WWTR1: variants seen among roughly 807,000 people sequenced by gnomAD.
WWTR1 encodes WW domain-containing transcription regulator protein 1.
Under a neutral mutation model 40.1 loss-of-function variants are expected in WWTR1, and 13 were observed. The ratio of observed to expected loss-of-function variants is 0.32; its 90% CI spans 0.21 to 0.52. The LOEUF is 0.52. WWTR1 is among the 20% of genes least tolerant of loss of function. The pLI is 0.97. For missense variants in WWTR1, 436 were observed against 523.1 expected (o/e 0.83, Z 1.63); for synonymous variants, 230 against 210.1 (o/e 1.09, Z -0.82).
intron 1 of WWTR1, among the ~76,000 whole-genome samples, chr3:149,691,965 G>A (rs759776016): frequency 5.3e-5 from 8 of 151,882 alleles, no homozygotes; most frequent in Admixed American, 1.3e-4. Flanking sequence ...GCAGTGAGCC[G>A]AGATCACGCC....
chr3:149,559,490 C>T (rs1736997092), intron 3 of WWTR1, among the ~76,000 whole-genome samples: 1 of 151,896 alleles, frequency 6.6e-6, no homozygotes, highest in Admixed American at 6.6e-5. Flanking sequence ...TATAAGCAAA[C>T]AATTAACAAA....
At chr3:149,566,332 C>T (rs73155006) in intron 3 of WWTR1, among the ~76,000 whole-genome samples, 14,494 of 152,118 alleles carry the variant, frequency 0.095, 1,418 homozygotes, top group East Asian at 0.49. Context: ...AATCCTACAA[C>T]ACCTACAACA....
exon 2 of WWTR1, chr3:149,669,825 T>G (rs909187211): frequency 6.6e-6 from 1 of 152,186 alleles, no homozygotes; most frequent in Non-Finnish European, 1.5e-5. Context: ...ATGGGTCAGT[T>G]CAGATCCACC....
chr3:149,559,213 G>A (rs1736977171), intron 3 of WWTR1, among the ~76,000 whole-genome samples: 1 of 140,916 alleles, frequency 7.1e-6, no homozygotes, highest in African/African-American at 2.7e-5. Context: ...GGAATTGCTT[G>A]AACCCAGGAG....
At position 149,610,806 on chromosome 3, in the gene WWTR1, G is replaced by A. The variant is rs7611908; in HGVS notation, c.432-37806C>T. Among the ~76,000 whole-genome samples the A allele has an allele frequency of 4.2e-3, 645 of 152,150 alleles. 4 individuals are homozygous for A. Among genetic ancestry groups the A allele is most frequent in the African/African-American group, 0.015 (620 of 41,502 alleles). On this transcript the variant is annotated intron_variant, in intron 2 of 6. Transcript: ENST00000360632. ...CACTCTCCTATTTATACAACATCCG[G>A]GGGACTCAAAAGAAGAAAACAGCCT...
chr3:149,585,656 C>T (rs925020021), intron 2 of WWTR1, among the ~76,000 whole-genome samples: 4 of 152,052 alleles, frequency 2.6e-5, no homozygotes, highest in Non-Finnish European at 5.9e-5. Flanking sequence ...GTAATGAGTG[C>T]CTTGGTGGTA....
intron 1 of WWTR1, among the ~76,000 whole-genome samples, chr3:149,677,199 A>G (rs1293800249): frequency 6.6e-6 from 1 of 152,130 alleles, no homozygotes; most frequent in Non-Finnish European, 1.5e-5. Flanking sequence ...TACAGGAGTG[A>G]GCCACCGCAC....
At chr3:149,626,951 C>T (rs1241771572) in intron 2 of WWTR1, among the ~76,000 whole-genome samples, 1 of 152,044 alleles carries the variant, frequency 6.6e-6, no homozygotes, top group Non-Finnish European at 1.5e-5. Context: ...GTGCCACTCC[C>T]CAGCACCTCT....
At chr3:149,594,753 G>C (rs1262841855) in intron 2 of WWTR1, among the ~76,000 whole-genome samples, 2 of 149,358 alleles carry the variant, frequency 1.3e-5, no homozygotes, top group East Asian at 2.0e-4. Context: ...CACACACACA[G>C]AGCTACAAAA....
At chr3:149,522,348 A>G (rs114392196) in intron 6 of WWTR1, among the ~76,000 whole-genome samples, 59 of 152,302 alleles carry the variant, frequency 3.9e-4, no homozygotes, top group African/African-American at 1.4e-3. Flanking sequence ...CCATCATCCA[A>G]TTTGGATTTT....
intron 5 of WWTR1, among the ~76,000 whole-genome samples, chr3:149,708,354 T>G (rs1389583935): frequency 6.6e-6 from 1 of 152,202 alleles, no homozygotes; most frequent in Non-Finnish European, 1.5e-5. Flanking sequence ...TCTTAACCAT[T>G]TTGAAGTGTA....
At chr3:149,646,500 A>G (rs1712541852) in intron 2 of WWTR1, among the ~76,000 whole-genome samples, 1 of 152,246 alleles carries the variant, frequency 6.6e-6, no homozygotes, top group South Asian at 2.1e-4. Context: ...GGCCAGTTAT[A>G]ATTCAACTGT....
At chr3:149,566,426 G>A (rs1560063361) in intron 3 of WWTR1, among the ~76,000 whole-genome samples, 3 of 152,050 alleles carry the variant, frequency 2.0e-5, no homozygotes, top group African/African-American at 7.2e-5. Context: ...GGGTTTGTGC[G>A]TGTATGTGCC....
Position 149,540,200 on chromosome 3 carries a change from C to G in WWTR1, c.771+2135G>C, listed in dbSNP as rs114457234. 2,814 of 456,280 alleles carry G rather than the reference C, an allele frequency of 6.2e-3. 76 individuals are homozygous for G. Among genetic ancestry groups the G allele is most frequent in the African/African-American group, 0.051 (2,567 of 50,002 alleles). 28.3% of individuals were successfully genotyped at this position (456,280 alleles called of 1,614,324 possible). The stretch of plus-strand genomic sequence containing the variant: ...TTCTCCTGCTTCATATACAATGCAA[C>G]AATGCAATTGCTCACTATGATGCAG... On this transcript the variant is annotated intron_variant, in intron 4 of 6. Coordinates refer to ENST00000360632, the MANE Select transcript of WWTR1 (RefSeq NM_015472.6).
chr3:149,584,926 CA>C (rs764040100), intron 2 of WWTR1, among the ~76,000 whole-genome samples: 10 of 152,144 alleles, frequency 6.6e-5, no homozygotes, highest in Non-Finnish European at 1.2e-4. Context: ...ATGCATGACA[CA>C]CTATAAATAT....
At chr3:149,534,310 C>A (rs989046071) in intron 4 of WWTR1, among the ~76,000 whole-genome samples, 5 of 152,122 alleles carry the variant, frequency 3.3e-5, no homozygotes, top group African/African-American at 1.2e-4. Flanking sequence ...CTCAGTGTGG[C>A]AGAGAAAGAA....
At position 149,527,818 on chromosome 3, in the gene WWTR1, C is replaced by T; in HGVS notation, c.905+18G>A. ...AATAAAGAGAATAAAAATAAGTGGC[C>T]CCCAAATATTAACTTACCCATTGAG... On this transcript the variant is annotated intron_variant, in intron 5 of 6. Coordinates refer to ENST00000360632, the MANE Select transcript of WWTR1 (RefSeq NM_015472.6). 5.0e-6 allele frequency: 8 copies of T among 1,613,516 alleles called. No homozygotes were observed. The highest frequency in any genetic ancestry group is 6.8e-6 in the Non-Finnish European group (8 of 1,179,896).
At chr3:149,659,040 C>G (rs1216264893), upstream of WWTR1, among the ~76,000 whole-genome samples, 1 of 152,120 alleles carries the variant, frequency 6.6e-6, no homozygotes, top group Non-Finnish European at 1.5e-5. Context: ...GGAAGAAGGT[C>G]AAGTCTGGCG....
intron 2 of WWTR1, among the ~76,000 whole-genome samples, chr3:149,582,209 C>G (rs1200434370): frequency 6.6e-6 from 1 of 152,006 alleles, no homozygotes; most frequent in Non-Finnish European, 1.5e-5. Flanking sequence ...CCCTGGCAAG[C>G]CTCACTTTGC....
Sources: allele counts gnomAD v4.1 joint callset (sites outside exome capture counted in the v4.1 genomes callset), GRCh38; gene constraint gnomAD v4.1.1; transcripts MANE v1.5; gene names NCBI Gene and HGNC (gene_info 2026-07-23, HGNC 2026-07-21).